THSD4: variants seen among roughly 807,000 people sequenced by gnomAD.
The protein encoded by THSD4 is thrombospondin type-1 domain-containing protein 4.
THSD4 carries 69 observed loss-of-function variants against 119.0 expected under a neutral mutation model. That is an observed-to-expected ratio of 0.58 (90% CI 0.48 to 0.71). The LOEUF is 0.71. Ranked by LOEUF, THSD4 falls within the 30% of genes least tolerant of loss-of-function variation. The probability of loss-of-function intolerance (pLI) is 0.00; values close to 1 mark genes in which losing one functional copy is unlikely to be tolerated. For synonymous variants in THSD4, 524 were observed against 540.4 expected (o/e 0.97, Z 0.42); for missense variants, 1,393 against 1,391.1 (o/e 1.00, Z -0.02).
At chr15:71,535,435 T>C (rs1175157711) in intron 7 of THSD4, among the ~76,000 whole-genome samples, 1 of 152,222 alleles carries the variant, frequency 6.6e-6, no homozygotes, top group Non-Finnish European at 1.5e-5. Flanking sequence ...TCATGAATAA[T>C]GCTGCTACGA....
intron 7 of THSD4, among the ~76,000 whole-genome samples, chr15:71,564,547 C>T (rs2049185873): frequency 1.3e-5 from 2 of 150,260 alleles, no homozygotes; most frequent in Non-Finnish European, 1.5e-5. Context: ...TTCCATTACC[C>T]AAAACCCTTG....
intron 8 of THSD4, among the ~76,000 whole-genome samples, chr15:71,662,592 T>C (rs2051332086): frequency 6.6e-6 from 1 of 152,174 alleles, no homozygotes; most frequent in Non-Finnish European, 1.5e-5. Flanking sequence ...TTGCTTTTAG[T>C]ACATTTTCCC....
At chr15:71,444,909 ACT>A (rs1566986032) in intron 7 of THSD4, among the ~76,000 whole-genome samples, 1 of 151,900 alleles carries the variant, frequency 6.6e-6, no homozygotes, top group Non-Finnish European at 1.5e-5. Flanking sequence ...CTCTGTGCCC[ACT>A]CTACCTCTCC....
intron 3 of THSD4, among the ~76,000 whole-genome samples, chr15:71,200,895 C>T (rs570645013): frequency 1.1e-4 from 16 of 152,302 alleles, no homozygotes; most frequent in South Asian, 4.1e-4. Flanking sequence ...CCATGTCTCG[C>T]GAGCAGCCGC....
At chr15:71,192,765 CTCTTGTCCATGACAACTG>C (rs1300530030) in intron 3 of THSD4, among the ~76,000 whole-genome samples, 1 of 152,124 alleles carries the variant, frequency 6.6e-6, no homozygotes, top group Admixed American at 6.5e-5. Context: ...TGACTTCATA[CTCTTGTCCATGACAACTG>C]TCTGTGTGCA....
chr15:71,382,312 G>C (rs773879392), intron 6 of THSD4, among the ~76,000 whole-genome samples: 1 of 152,136 alleles, frequency 6.6e-6, no homozygotes, highest in Non-Finnish European at 1.5e-5. Flanking sequence ...AAGAGCAGAA[G>C]CCAATACTCC....
intron 14 of THSD4, among the ~76,000 whole-genome samples, chr15:71,751,223 G>A (rs1420145027): frequency 1.3e-5 from 2 of 152,184 alleles, no homozygotes; most frequent in South Asian, 2.1e-4. Context: ...CAGTAAACTT[G>A]ATGGATTTCC....
chr15:71,174,812 T>A (rs2043430150), intron 3 of THSD4, among the ~76,000 whole-genome samples: 1 of 152,008 alleles, frequency 6.6e-6, no homozygotes, highest in African/African-American at 2.4e-5. Flanking sequence ...GACTGCCTCC[T>A]CAAGTGGGTC....
At chr15:71,642,798 T>G (rs1477553407) in intron 7 of THSD4, among the ~76,000 whole-genome samples, 9 of 142,220 alleles carry the variant, frequency 6.3e-5, no homozygotes, top group Non-Finnish European at 7.6e-5. Flanking sequence ...TGGGGACTGT[T>G]GTGGGGTGGG....
At position 71,382,557 on chromosome 15, in the gene THSD4, A is replaced by G. The variant is rs1271825747; in HGVS notation, c.1016-29130A>G. On this transcript the variant is annotated intron_variant, in intron 6 of 17. Transcript: ENST00000261862. ...TTCCTTCTGAAACCACCTCCAAACT[A>G]GATAAGACTACTCTTCCTTAACAAT... 5.3e-5 allele frequency among the ~76,000 whole-genome samples: 8 copies of G among 152,280 alleles called. No individual in the cohort carries two copies. The South Asian group carries it at 1.7e-3, about 32-fold the overall frequency.
At chr15:71,197,672 A>T (rs1001888501) in intron 3 of THSD4, among the ~76,000 whole-genome samples, 6 of 152,006 alleles carry the variant, frequency 3.9e-5, no homozygotes, top group African/African-American at 1.4e-4. Context: ...TCGGTGCTCC[A>T]TGGGCTGTGT....
At chr15:71,112,365 G>A (rs1415845110), upstream of THSD4, 1 of 898,892 alleles carries the variant, frequency 1.1e-6, no homozygotes, top group African/African-American at 1.7e-5. Flanking sequence ...ACAGGTGTAA[G>A]CTAGAGCTGT....
At chr15:71,695,511 T>C (rs56052416) in intron 8 of THSD4, among the ~76,000 whole-genome samples, 23,589 of 151,416 alleles carry the variant, frequency 0.16, 2,060 homozygotes, top group East Asian at 0.39. Context: ...CATGTGTGTG[T>C]GTGTGTGTGT....
At chr15:71,221,327 G>T (rs953205273) in intron 4 of THSD4, among the ~76,000 whole-genome samples, 6 of 152,156 alleles carry the variant, frequency 3.9e-5, no homozygotes, top group African/African-American at 1.4e-4. Flanking sequence ...ATATGGTTCA[G>T]TGACACTGAG....
At chr15:71,615,515 C>T (rs1203814174) in intron 7 of THSD4, among the ~76,000 whole-genome samples, 2 of 151,886 alleles carry the variant, frequency 1.3e-5, no homozygotes, top group Admixed American at 1.3e-4. Flanking sequence ...ATATAATGTA[C>T]CTTACACAGA....
upstream of THSD4, chr15:71,111,927 G>A: frequency 1.7e-6 from 1 of 588,960 alleles, no homozygotes; most frequent in African/African-American, 1.9e-5. Context: ...ATACATTTGG[G>A]ACACTCTGCA....
intron 14 of THSD4, among the ~76,000 whole-genome samples, chr15:71,750,945 C>A (rs2053436929): frequency 6.6e-6 from 1 of 152,172 alleles, no homozygotes; most frequent in South Asian, 2.1e-4. Context: ...CTGCAGTGCC[C>A]CTGACATAGG....
Position 71,115,716 on chromosome 15 carries a change from C to G in THSD4, c.-80+18C>G, listed in dbSNP as rs1356828625. On this transcript the variant is annotated intron_variant, in intron 1 of 17. Transcript: ENST00000261862. This position sits in a 1 kb window ranked among gnomAD's most constrained non-coding sequence, Gnocchi z 4.4. ...ACCGCCAGGTGAGCAGAGCCGCGCG[C>G]CCCGCGTCCCCTGCGCGCCGCCCGC... The G allele has an allele frequency of 6.8e-6, 1 of 147,098 alleles. No homozygotes were observed. The highest frequency in any genetic ancestry group is 1.5e-5 in the Non-Finnish European group (1 of 66,136). 9.1% of individuals were successfully genotyped at this position (147,098 alleles called of 1,614,324 possible). A position where few individuals can be genotyped will look rare whatever the true frequency, so the allele number is the denominator to read the frequency against.
chr15:71,243,571 C>T (rs551701045), intron 5 of THSD4, among the ~76,000 whole-genome samples: 11 of 152,222 alleles, frequency 7.2e-5, no homozygotes, highest in African/African-American at 9.6e-5. Context: ...TGATAGATGG[C>T]ACACAGAGGC....
Sources: allele counts gnomAD v4.1 joint callset (sites outside exome capture counted in the v4.1 genomes callset), GRCh38; gene constraint gnomAD v4.1.1; non-coding constraint Gnocchi (gnomAD v3.1); transcripts MANE v1.5; gene names NCBI Gene and HGNC (gene_info 2026-07-23, HGNC 2026-07-21).